NFAT5: variants seen among roughly 807,000 people sequenced by gnomAD.
NFAT5 encodes nuclear factor of activated T-cells 5.
NFAT5 carries 31 observed loss-of-function variants against 166.5 expected under a neutral mutation model. The ratio of observed to expected loss-of-function variants is 0.19; its 90% CI spans 0.14 to 0.25. The LOEUF (loss-of-function observed/expected upper bound fraction) is 0.25. Ranked by LOEUF, NFAT5 falls within the 10% of genes least tolerant of loss-of-function variation. NFAT5 has a pLI of 1.00. For missense variants in NFAT5, 1,449 were observed against 1,821.8 expected, an observed-to-expected ratio of 0.80 and a Z score of 3.72; for synonymous variants, 612 against 639.7, an observed-to-expected ratio of 0.96 and a Z score of 0.65.
intron 10 of NFAT5, among the ~76,000 whole-genome samples, chr16:69,682,097 C>T (rs1035816460): frequency 3.3e-5 from 5 of 151,950 alleles, no homozygotes; most frequent in Admixed American, 6.6e-5. Context: ...AATGTGTATT[C>T]TCTCAGGCAC....
At position 69,690,664 on chromosome 16, in the gene NFAT5, T is replaced by C. The variant is rs898677965; in HGVS notation, c.1775-276T>C. On this transcript the variant is annotated intron_variant, in intron 11 of 14. Coordinates refer to ENST00000349945, the MANE Select transcript of NFAT5 (RefSeq NM_138713.4). Reference sequence around the variant, plus strand: ...GGTTGGGTAGTATGATTCAAGGCACTTGGAACCGTCTTGGGGAATATAGCT... The same window carrying C: ...GGTTGGGTAGTATGATTCAAGGCACCTGGAACCGTCTTGGGGAATATAGCT... The C allele has an allele frequency of 1.2e-4, 22 of 176,280 alleles. 1 individual carries two copies. The highest frequency in any genetic ancestry group is 2.4e-4 in the Non-Finnish European group (20 of 83,684). 10.9% of individuals were successfully genotyped at this position (176,280 alleles called of 1,614,324 possible).
In NFAT5 at chr16:69,692,505, T is replaced by G; in HGVS notation, c.2680T>G (p.Leu894Val). The part of the protein sequence containing the change: ...ESVHPQSENT[L>V]SNQQQQQQQQ... ...TGTTCATCCACAGTCTGAAAACACG[T>G]TATCTAATCAACAGCAGCAGCAGCA... The change falls in exon 13 of 15, where the codon TTA becomes GTA. Residue 894 changes from leucine to valine, a missense_variant. Physicochemically the swap from Leu to Val is conservative, Grantham distance 32. Coordinates refer to ENST00000349945, the MANE Select transcript of NFAT5 (RefSeq NM_138713.4). The G allele has an allele frequency of 6.2e-7, 1 of 1,614,152 alleles. No individual in the cohort carries two copies. The highest frequency in any genetic ancestry group is 8.5e-7 in the Non-Finnish European group (1 of 1,180,036).
In NFAT5 at chr16:69,701,364, G is replaced by GATAT. The variant is rs1467315754; in HGVS notation, c.*5015_*5016insATAT. The stretch of plus-strand genomic sequence containing the variant: ...TTTTTAAATTAATATTTTATATCTA[G>GATAT]ATCTAATGCTATGGAAAAGTGCCTT... On this transcript the variant is annotated 3_prime_UTR_variant, in exon 15 of 15. Coordinates refer to ENST00000349945, the MANE Select transcript of NFAT5 (RefSeq NM_138713.4). 1 of 152,208 alleles carries GATAT rather than the reference G, an allele frequency of 6.6e-6. No homozygotes were observed. Among genetic ancestry groups the GATAT allele is most frequent in the African/African-American group, 2.4e-5 (1 of 41,272 alleles). 9.4% of individuals were successfully genotyped at this position (152,208 alleles called of 1,614,324 possible).
At chr16:69,669,240 T>A (rs1264147172) in intron 7 of NFAT5, among the ~76,000 whole-genome samples, 1 of 152,144 alleles carries the variant, frequency 6.6e-6, no homozygotes, top group Non-Finnish European at 1.5e-5. Flanking sequence ...CAAAAAGTTT[T>A]GGATTTTGGA....
chr16:69,634,923 A>T (rs1037956360), intron 3 of NFAT5, among the ~76,000 whole-genome samples: 5 of 152,184 alleles, frequency 3.3e-5, no homozygotes, highest in Non-Finnish European at 7.3e-5. Context: ...TCTTATGAAG[A>T]TAAATTTGTA....
Position 69,693,201 on chromosome 16 carries a change from T to A in NFAT5, c.3376T>A (p.Ser1126Thr), listed in dbSNP as rs2037624906. Residue 1126 changes from serine (S) to threonine (T), a missense_variant, in exon 13 of 15, where the codon TCC (serine) becomes ACC (threonine). Physicochemically the swap from Ser to Thr is moderately conservative, Grantham distance 58 (BLOSUM62 1). This residue lies in a region of NFAT5 where 891 missense variants were observed against 993.0 expected (regional missense o/e 0.90). Transcript: ENST00000349945. ...TGTCCACAGTCAGACTTCTACAACC[T>A]CCTCTGAACAAATGCAGCCTCCAAT... is the stretch of plus-strand genomic sequence containing the variant. ...PIVHSQTSTT[S>T]SEQMQPPMFH... is the part of the protein sequence containing the mutation. 6.2e-7 allele frequency: 1 copy of A among 1,614,030 alleles called. No homozygotes were observed.
intron 7 of NFAT5, among the ~76,000 whole-genome samples, chr16:69,662,460 T>C (rs2036189949): frequency 7.0e-6 from 1 of 143,536 alleles, no homozygotes; most frequent in African/African-American, 2.6e-5. Context: ...CTTTTTTTTT[T>C]TTTTTTTTTT....
rs772252320 is a variant in NFAT5 at position 69,580,935 on chromosome 16, G to C, written c.127+12387G>C. ...CTCCCGGAGAGCTGGGATTACAGGC[G>C]TGAGCTGCCGCACCCGGCCGAAATC... On this transcript the variant is annotated intron_variant, in intron 2 of 14. Transcript: ENST00000349945. Among the ~76,000 whole-genome samples the C allele has an allele frequency of 2.0e-5, 3 of 152,166 alleles. No homozygotes were observed. The South Asian group carries it at 6.2e-4, about 32-fold the overall frequency.
At chr16:69,612,699 GACAC>G (rs61143173) in intron 2 of NFAT5, among the ~76,000 whole-genome samples, 16 of 150,072 alleles carry the variant, frequency 1.1e-4, no homozygotes, top group African/African-American at 3.7e-4. Flanking sequence ...CATACACAGA[GACAC>G]ACACACACAC....
chr16:69,672,084 G>A (rs2036644851), intron 9 of NFAT5, among the ~76,000 whole-genome samples: 1 of 152,220 alleles, frequency 6.6e-6, no homozygotes, highest in South Asian at 2.1e-4. Flanking sequence ...CAGAGGTAAA[G>A]ACCAGAACTC....
intron 4 of NFAT5, chr16:69,648,443 A>T (rs2035539186): frequency 3.0e-6 from 3 of 983,914 alleles, no homozygotes; most frequent in Admixed American, 6.2e-5. Flanking sequence ...GATTGTACAG[A>T]GTCGATATTT....
chr16:69,580,730 G>T (rs2031622506), intron 2 of NFAT5, among the ~76,000 whole-genome samples: 1 of 151,836 alleles, frequency 6.6e-6, no homozygotes, highest in Admixed American at 6.6e-5. Flanking sequence ...ATCTCGGCTC[G>T]CTGCAAGCTC....
At chr16:69,572,109 T>A (rs766023359) in intron 2 of NFAT5, among the ~76,000 whole-genome samples, 21 of 152,220 alleles carry the variant, frequency 1.4e-4, no homozygotes, top group Admixed American at 5.2e-4. Flanking sequence ...AAATGTCTAC[T>A]ATTCAACTGA....
chr16:69,663,540 G>T (rs2036237259), intron 7 of NFAT5, among the ~76,000 whole-genome samples: 1 of 138,698 alleles, frequency 7.2e-6, no homozygotes, highest in South Asian at 2.4e-4. Context: ...TTTGAATCCA[G>T]CCTGGGATTC....
In NFAT5 at chr16:69,616,561, T is replaced by C. The variant is rs539588822; in HGVS notation, c.128-9842T>C. On this transcript the variant is annotated intron_variant, in intron 2 of 14. Transcript: ENST00000349945. ...CTGTTTGGGTTCCCACCTCCCACCC[T>C]AGGCAGACCCCCTGTGCATCAGCCT... is the stretch of plus-strand genomic sequence containing the variant. Among the ~76,000 whole-genome samples, 6 of 152,052 alleles carry C rather than the reference T, an allele frequency of 3.9e-5. No individual in the cohort carries two copies. The South Asian group carries it at 1.0e-3, about 26-fold the overall frequency.
intron 7 of NFAT5, among the ~76,000 whole-genome samples, chr16:69,668,882 A>C (rs2036511336): frequency 6.6e-6 from 1 of 151,072 alleles, no homozygotes; most frequent in Non-Finnish European, 1.5e-5. Context: ...GTTTCACCCG[A>C]CTCTGAATTT....
At chr16:69,571,834 A>G (rs938106310) in intron 2 of NFAT5, among the ~76,000 whole-genome samples, 2 of 151,962 alleles carry the variant, frequency 1.3e-5, no homozygotes, top group African/African-American at 4.8e-5. Flanking sequence ...ATCTCGGCTC[A>G]CTGCAAGCTC....
At chr16:69,619,536 C>A (rs1459422260) in intron 2 of NFAT5, among the ~76,000 whole-genome samples, 1 of 152,012 alleles carries the variant, frequency 6.6e-6, no homozygotes, top group African/African-American at 2.4e-5. Context: ...TAAAACCTAC[C>A]TCATAGGATT....
At chr16:69,661,682 G>A (rs945515738) in intron 7 of NFAT5, among the ~76,000 whole-genome samples, 76 of 150,018 alleles carry the variant, frequency 5.1e-4, no homozygotes, top group African/African-American at 1.7e-3. Flanking sequence ...AAATGCAGTT[G>A]TTCTCAATCC....
Sources: allele counts gnomAD v4.1 joint callset (sites outside exome capture counted in the v4.1 genomes callset), GRCh38; gene constraint gnomAD v4.1.1; regional missense constraint gnomAD v4.1.1; transcripts MANE v1.5; gene names NCBI Gene and HGNC (gene_info 2026-07-23, HGNC 2026-07-21).